The following MLXIPL variants were observed in gnomAD, a reference collection of about 807,000 sequenced individuals.
MLXIPL encodes carbohydrate-responsive element-binding protein.
In MLXIPL, 49 loss-of-function variants were observed where a neutral mutation model predicts 81.5. The observed-to-expected ratio is 0.60, with a 90% confidence interval of 0.48 to 0.76. MLXIPL has a LOEUF of 0.76. MLXIPL is among the 30% of genes least tolerant of loss of function. The probability of loss-of-function intolerance (pLI) is 0.00; values close to 1 mark genes in which losing one functional copy is unlikely to be tolerated. For synonymous variants in MLXIPL, 466 were observed against 485.5 expected, an observed-to-expected ratio of 0.96 and a Z score of 0.53; for missense variants, 1,053 against 1,167.0, an observed-to-expected ratio of 0.90 and a Z score of 1.42.
Position 73,624,447 on chromosome 7 carries a change from G to C in MLXIPL, c.46C>G (p.Arg16Gly). 6.4e-7 allele frequency: 1 copy of C among 1,553,184 alleles called. No homozygotes were observed. The highest frequency in any genetic ancestry group is 8.6e-7 in the Non-Finnish European group (1 of 1,157,328). ...AGLAAGLQVP[R>G]VAPSPDSDSD... is the part of the protein sequence containing the mutation. ...TCCGAGTCTGGGCTGGGCGCGACCCGCGGGACCTGCAAGCCCGCGGCCAGA... is the reference window on the plus strand; with the variant it reads ...TCCGAGTCTGGGCTGGGCGCGACCCCCGGGACCTGCAAGCCCGCGGCCAGA... Residue 16 changes from arginine to glycine, a missense_variant, in exon 1 of 17, where the codon CGG becomes GGG. Physicochemically the swap from Arg to Gly is moderately radical, Grantham distance 125. Transcript: ENST00000313375.
At chr7:73,637,665 TA>T in the MLXIPL span, among the ~76,000 whole-genome samples, 1 of 151,108 alleles carries the variant, frequency 6.6e-6, no homozygotes, top group Non-Finnish European at 1.5e-5. Flanking sequence ...CCAAGGTTCT[TA>T]CTGATGGTAG....
At chr7:73,605,609 A>T in intron 7 of MLXIPL, 79 bp downstream of exon 7, 1 of 1,323,768 alleles carries the variant, frequency 7.6e-7, no homozygotes, top group Non-Finnish European at 1.1e-6. Context: ...GCCCTCCCAG[A>T]GGGGCCTGGG....
At chr7:73,615,612 C>G (rs776911677) in intron 2 of MLXIPL, among the ~76,000 whole-genome samples, 1 of 151,936 alleles carries the variant, frequency 6.6e-6, no homozygotes. Flanking sequence ...GGGGCCTGGT[C>G]TCCCCCTAAA....
At chr7:73,639,259 G>GGACT in the MLXIPL span, among the ~76,000 whole-genome samples, 126 of 152,280 alleles carry the variant, frequency 8.3e-4, no homozygotes, top group African/African-American at 2.8e-3. Context: ...AAGTAACATG[G>GGACT]GACTGTATTT....
chr7:73,624,778 C>A (rs1796632782), upstream of MLXIPL, among the ~76,000 whole-genome samples: 1 of 152,138 alleles, frequency 6.6e-6, no homozygotes, highest in South Asian at 2.1e-4. Context: ...AAGGTCAGGC[C>A]GGACGCCAGG....
At chr7:73,639,982 G>A in the MLXIPL span, among the ~76,000 whole-genome samples, 1 of 151,590 alleles carries the variant, frequency 6.6e-6, no homozygotes, top group South Asian at 2.1e-4. Flanking sequence ...GGAGAATGGT[G>A]TGAACCCAGG....
the MLXIPL span, among the ~76,000 whole-genome samples, chr7:73,633,705 C>T: frequency 6.6e-6 from 1 of 152,164 alleles, no homozygotes; most frequent in African/African-American, 2.4e-5. Context: ...CCTCCTGCCT[C>T]AGCCTCCCAA....
chr7:73,636,272 C>T, the MLXIPL span, among the ~76,000 whole-genome samples: 2 of 151,786 alleles, frequency 1.3e-5, no homozygotes, highest in Non-Finnish European at 2.9e-5. Flanking sequence ...TAGCCGGATC[C>T]GGTGGTTTAT....
At chr7:73,604,324 C>A (rs1179821434) in intron 7 of MLXIPL, among the ~76,000 whole-genome samples, 3 of 150,692 alleles carry the variant, frequency 2.0e-5, no homozygotes, top group Non-Finnish European at 1.5e-5. Context: ...GTAATCCCAG[C>A]ACTTTGGGAG....
the MLXIPL span, among the ~76,000 whole-genome samples, chr7:73,631,267 G>C: frequency 6.6e-6 from 1 of 151,910 alleles, no homozygotes; most frequent in African/African-American, 2.4e-5. Context: ...GCCTCGGCTC[G>C]GCCTCCCAAA....
chr7:73,613,012 G>C (rs781965946), intron 2 of MLXIPL, among the ~76,000 whole-genome samples: 2 of 152,162 alleles, frequency 1.3e-5, no homozygotes, highest in Non-Finnish European at 2.9e-5. Context: ...AGGACACCAA[G>C]ACGATTTCAG....
At chr7:73,622,309 G>A (rs1283270158) in intron 1 of MLXIPL, among the ~76,000 whole-genome samples, 2 of 151,896 alleles carry the variant, frequency 1.3e-5, no homozygotes, top group African/African-American at 4.8e-5. Flanking sequence ...TGGCCAACAT[G>A]GTGAAATCTC....
intron 8 of MLXIPL, among the ~76,000 whole-genome samples, chr7:73,598,977 G>T (rs1554595192): frequency 6.6e-6 from 1 of 151,014 alleles, no homozygotes; most frequent in African/African-American, 2.4e-5. Flanking sequence ...AAATAAGCCG[G>T]AAATCGCTTG....
the MLXIPL span, among the ~76,000 whole-genome samples, chr7:73,634,984 T>C: frequency 8.7e-6 from 1 of 114,764 alleles, no homozygotes; most frequent in Admixed American, 8.4e-5. Context: ...CCCAGCTATT[T>C]TTTTTTTTTT....
At position 73,607,596 on chromosome 7, in the gene MLXIPL, C is replaced by G; in HGVS notation, c.477G>C (p.Lys159Asn). Residue 159 changes from lysine (K) to asparagine (N), a missense_variant, in exon 3 of 17, where the codon AAG becomes AAC. This residue lies in a region of MLXIPL where 4 missense variants were observed against 17.8 expected (regional missense o/e 0.22). Coordinates refer to ENST00000313375, the MANE Select transcript of MLXIPL (RefSeq NM_032951.3). ...LQGPEADAHR[K>N]PEAVVLEGNY... ...CGGTCCAGAACCCAGCTACCTCCGGCTTCCGGTGCGCATCAGCCTCAGGCC... is the reference window on the plus strand; with the variant it reads ...CGGTCCAGAACCCAGCTACCTCCGGGTTCCGGTGCGCATCAGCCTCAGGCC... The G allele has an allele frequency of 6.2e-7, 1 of 1,613,014 alleles. No individual in the cohort carries two copies. The highest frequency in any genetic ancestry group is 8.5e-7 in the Non-Finnish European group (1 of 1,179,994).
chr7:73,607,664 G>T lies in MLXIPL; in HGVS notation c.409C>A (p.Arg137=), dbSNP rs779577597. Residue 137 remains arginine (R), a synonymous_variant, in exon 3 of 17, where the codon CGG becomes AGG. Transcript: ENST00000313375. ...WRAWYIQYVK[R]RKSPVCGFVT... is the part of the protein sequence containing the mutation. Reference sequence around the variant, plus strand: ...AAGCCACACACGGGGCTCTTCCTCCGCTTCACATCTGAGAGAAGGGGGCCA... The same window carrying T: ...AAGCCACACACGGGGCTCTTCCTCCTCTTCACATCTGAGAGAAGGGGGCCA... The T allele has an allele frequency of 6.2e-6, 10 of 1,613,170 alleles. No individual in the cohort carries two copies. The highest frequency in any genetic ancestry group is 8.5e-6 in the Non-Finnish European group (10 of 1,179,890).
intron 6 of MLXIPL, 42 bp downstream of exon 6, chr7:73,605,868 C>T: frequency 6.4e-7 from 1 of 1,566,430 alleles, no homozygotes; most frequent in Non-Finnish European, 8.7e-7. Context: ...TGGAATCTCA[C>T]AGGCCTTCAC....
chr7:73,595,274 C>T (rs1031814693), intron 15 of MLXIPL, among the ~76,000 whole-genome samples: 1 of 152,144 alleles, frequency 6.6e-6, no homozygotes, highest in East Asian at 1.9e-4. Context: ...TGCCTGGGCT[C>T]AGTCAAGAAC....
chr7:73,615,617 C>A (rs1454899049), intron 2 of MLXIPL, among the ~76,000 whole-genome samples: 1 of 151,868 alleles, frequency 6.6e-6, no homozygotes, highest in Non-Finnish European at 1.5e-5. Flanking sequence ...CTGGTCTCCC[C>A]CTAAAAGGCT....
Sources: allele counts gnomAD v4.1 joint callset (sites outside exome capture counted in the v4.1 genomes callset), GRCh38; gene constraint gnomAD v4.1.1; regional missense constraint gnomAD v4.1.1; transcripts MANE v1.5; gene names NCBI Gene and HGNC (gene_info 2026-07-23, HGNC 2026-07-21).